HDAC9: variants seen among roughly 807,000 people sequenced by gnomAD.
HDAC9 encodes MEF-2 interacting transcription repressor (MITR) protein.
A neutral mutation model predicts 139.4 loss-of-function variants in HDAC9; 41 were observed. The ratio of observed to expected loss-of-function variants is 0.29; its 90% CI spans 0.23 to 0.38. The LOEUF (loss-of-function observed/expected upper bound fraction) is 0.38. HDAC9 is among the 10% of genes least tolerant of loss of function. The probability of loss-of-function intolerance (pLI) is 1.00; values close to 1 mark genes in which losing one functional copy is unlikely to be tolerated. For missense variants in HDAC9, 1,147 were observed against 1,297.0 expected (o/e 0.88, Z 1.78); for synonymous variants, 517 against 476.2 (o/e 1.09, Z -1.12).
chr7:18,795,684 T>G (rs1330587237), intron 17 of HDAC9, among the ~76,000 whole-genome samples: 1 of 152,138 alleles, frequency 6.6e-6, no homozygotes, highest in East Asian at 1.9e-4. Context: ...TGCTAATAAT[T>G]TGGGTAAGGC....
chr7:18,734,427 A>T (rs1187215925), intron 13 of HDAC9, among the ~76,000 whole-genome samples: 2 of 152,072 alleles, frequency 1.3e-5, no homozygotes, highest in African/African-American at 4.8e-5. Flanking sequence ...CCCCGCCCTG[A>T]GTCCAAGTGT....
chr7:18,447,740 A>G (rs966209328), intron 1 of HDAC9, among the ~76,000 whole-genome samples: 1 of 152,228 alleles, frequency 6.6e-6, no homozygotes, highest in African/African-American at 2.4e-5. Context: ...ACTGGCATAC[A>G]TTTTGTGAAA....
At chr7:18,111,446 G>A (rs1246295859) in intron 1 of HDAC9, among the ~76,000 whole-genome samples, 1 of 152,188 alleles carries the variant, frequency 6.6e-6, no homozygotes, top group African/African-American at 2.4e-5. Flanking sequence ...AAGAGTGGCA[G>A]AGTATCACTG....
At chr7:18,400,372 A>G (rs372199901) in intron 1 of HDAC9, among the ~76,000 whole-genome samples, 30 of 152,304 alleles carry the variant, frequency 2.0e-4, no homozygotes, top group East Asian at 9.7e-4. Context: ...AGAGTGATTG[A>G]CAGGGAAGAG....
intron 2 of HDAC9, among the ~76,000 whole-genome samples, chr7:18,163,039 A>T (rs1037761931): frequency 3.3e-5 from 5 of 152,194 alleles, no homozygotes; most frequent in Non-Finnish European, 7.3e-5. Flanking sequence ...TTCTGCTTGG[A>T]TACTTACAGA....
intron 1 of HDAC9, among the ~76,000 whole-genome samples, chr7:18,464,117 C>T (rs942978929): frequency 2.6e-5 from 4 of 151,860 alleles, no homozygotes; most frequent in Non-Finnish European, 5.9e-5. Flanking sequence ...TCCTTTGTAT[C>T]TAATAGTACT....
At chr7:18,514,158 G>A (rs1802449964) in intron 2 of HDAC9, among the ~76,000 whole-genome samples, 1 of 152,154 alleles carries the variant, frequency 6.6e-6, no homozygotes, top group Non-Finnish European at 1.5e-5. Flanking sequence ...TGCGTTGTAT[G>A]TGTATATGCA....
At chr7:18,087,655 G>A (rs1241799705) in intron 1 of HDAC9, among the ~76,000 whole-genome samples, 1 of 152,158 alleles carries the variant, frequency 6.6e-6, no homozygotes, top group East Asian at 1.9e-4. Flanking sequence ...CAGAATCCTG[G>A]GTTTTAAGAA....
intron 2 of HDAC9, among the ~76,000 whole-genome samples, chr7:18,267,413 A>G (rs575575236): frequency 6.6e-6 from 1 of 152,164 alleles, no homozygotes; most frequent in African/African-American, 2.4e-5. Context: ...TCTAACCGAA[A>G]CTTTATATCT....
chr7:18,413,426 C>T (rs1010019492), intron 1 of HDAC9, among the ~76,000 whole-genome samples: 1 of 151,964 alleles, frequency 6.6e-6, no homozygotes, highest in African/African-American at 2.4e-5. Context: ...CATTAGTTTC[C>T]TTGTTGATAT....
intron 2 of HDAC9, among the ~76,000 whole-genome samples, chr7:18,174,783 G>T (rs1292989680): frequency 6.6e-6 from 1 of 152,178 alleles, no homozygotes; most frequent in Non-Finnish European, 1.5e-5. Flanking sequence ...ACCAGTGGAG[G>T]CTGCAGAACA....
intron 1 of HDAC9, among the ~76,000 whole-genome samples, chr7:18,136,268 A>G (rs1246829337): frequency 2.0e-5 from 3 of 150,906 alleles, no homozygotes; most frequent in Non-Finnish European, 4.4e-5. Flanking sequence ...GTTCACTCTG[A>G]TGGTAGTTTC....
intron 6 of HDAC9, among the ~76,000 whole-genome samples, chr7:18,605,909 T>C (rs377427731): frequency 1.3e-5 from 2 of 152,270 alleles, no homozygotes; most frequent in East Asian, 3.9e-4. Flanking sequence ...CTCCATCTCC[T>C]GACCTTGTGA....
intron 1 of HDAC9, among the ~76,000 whole-genome samples, chr7:18,348,466 A>G (rs1228768669): frequency 6.6e-6 from 1 of 152,158 alleles, no homozygotes; most frequent in African/African-American, 2.4e-5. Flanking sequence ...TCAATTAGAT[A>G]TGCCCCAAGA....
At chr7:18,330,526 G>A (rs1800839511) in intron 1 of HDAC9, among the ~76,000 whole-genome samples, 1 of 151,144 alleles carries the variant, frequency 6.6e-6, no homozygotes, top group Non-Finnish European at 1.5e-5. Context: ...AAACCAAAGA[G>A]AATTAATCTC....
intron 3 of HDAC9, among the ~76,000 whole-genome samples, chr7:18,585,863 C>T (rs1726594): frequency 0.93 from 141,261 of 152,126 alleles, 65,636 homozygotes; most frequent in East Asian, 1. Flanking sequence ...AGACCCATTT[C>T]ATATTTCATT....
intron 2 of HDAC9, among the ~76,000 whole-genome samples, chr7:18,216,540 C>A (rs1417917126): frequency 6.6e-6 from 1 of 152,002 alleles, no homozygotes; most frequent in African/African-American, 2.4e-5. Flanking sequence ...TATAGAACTA[C>A]CCTGGCCTAT....
In HDAC9 at chr7:18,298,188, T is replaced by G. The variant is rs1798270942; in HGVS notation, c.-42+7673T>G. On this transcript the variant is annotated intron_variant, in intron 1 of 3. Transcript: ENST00000413509. ...AGAGGTAAGCTAAACAGGGTGATAT[T>G]GTTATTATTTATTTTCACAAGTACT... is the stretch of plus-strand genomic sequence containing the variant. Among the ~76,000 whole-genome samples the G allele has an allele frequency of 2.6e-5, 4 of 152,154 alleles. No homozygotes were observed. The South Asian group carries it at 8.3e-4, about 32-fold the overall frequency.
At chr7:18,701,402 AAAAACAAAACAAAC>A (rs1256956388) in intron 12 of HDAC9, among the ~76,000 whole-genome samples, 35 of 126,518 alleles carry the variant, frequency 2.8e-4, no homozygotes, top group African/African-American at 1.2e-3. Flanking sequence ...TGATTTAAAA[AAAAACAAAACAAAC>A]AAAAAAAAAA....
Sources: allele counts gnomAD v4.1 joint callset (sites outside exome capture counted in the v4.1 genomes callset), GRCh38; gene constraint gnomAD v4.1.1; transcripts MANE v1.5; gene names NCBI Gene and HGNC (gene_info 2026-07-23, HGNC 2026-07-21).